The following MICAL2 variants were observed in gnomAD, a reference collection of about 807,000 sequenced individuals.
The protein encoded by MICAL2 is microtubule associated monooxygenase, calponin and LIM domain containing 2, also known as [F-actin]-monooxygenase MICAL2.
In MICAL2, 77 loss-of-function variants were observed where a neutral mutation model predicts 127.3. The ratio of observed to expected loss-of-function variants is 0.60; its 90% confidence interval spans 0.50 to 0.73. The LOEUF is 0.73. Among genes scored for constraint, MICAL2 ranks in the 30% least tolerant of loss-of-function variants. The pLI, the probability that MICAL2 is intolerant of heterozygous loss-of-function variation, is 0.00. For synonymous variants in MICAL2, 570 were observed against 551.1 expected, an observed-to-expected ratio of 1.03 and a Z score of -0.48; for missense variants, 1,351 against 1,434.4, an observed-to-expected ratio of 0.94 and a Z score of 0.94.
intron 29 of MICAL2, among the ~76,000 whole-genome samples, chr11:12,297,781 C>G (rs547721273): frequency 1.3e-5 from 2 of 152,096 alleles, no homozygotes; most frequent in African/African-American, 4.8e-5. Flanking sequence ...CTCTTTCCCT[C>G]TCTTATGTGA....
downstream of MICAL2, chr11:12,287,437 C>A: frequency 3.3e-6 from 1 of 299,604 alleles, no homozygotes; most frequent in Non-Finnish European, 6.1e-6. Context: ...TTCACCCAGA[C>A]AGGGCCTTAG....
chr11:12,262,930 A>G (rs374394792), intron 27 of MICAL2: 26 of 180,460 alleles, frequency 1.4e-4, no homozygotes, highest in African/African-American at 6.1e-4. Context: ...GAGCAGCCTC[A>G]AAAAGCTCAT....
intron 22 of MICAL2, chr11:12,252,835 C>T (rs576170446): frequency 2.0e-5 from 3 of 152,334 alleles, no homozygotes; most frequent in East Asian, 3.9e-4. Context: ...TTCACCCACA[C>T]ACAAGTTACT....
chr11:12,182,086 T>C (rs1302220790), intron 3 of MICAL2, among the ~76,000 whole-genome samples: 1 of 152,236 alleles, frequency 6.6e-6, no homozygotes, highest in Non-Finnish European at 1.5e-5. Context: ...AAGTGAATAA[T>C]TATTGAAATT....
chr11:12,282,655 C>G (rs1863784717), intron 2 of MICAL2, among the ~76,000 whole-genome samples: 1 of 152,102 alleles, frequency 6.6e-6, no homozygotes. Flanking sequence ...TAAAAGGAAA[C>G]ACAGAACATC....
chr11:12,349,982 G>C, intron 33 of MICAL2: 1 of 1,539,220 alleles, frequency 6.5e-7, no homozygotes, highest in Non-Finnish European at 9.0e-7. Flanking sequence ...AAAGCAAAGG[G>C]GCAAAGGGGG....
intron 15 of MICAL2, among the ~76,000 whole-genome samples, chr11:12,231,631 G>A (rs1217887517): frequency 6.6e-6 from 1 of 152,230 alleles, no homozygotes; most frequent in Non-Finnish European, 1.5e-5. Flanking sequence ...TGCGTAGGCA[G>A]CTTACCTTCT....
At chr11:12,312,541 C>T (rs1386815248) in intron 29 of MICAL2, among the ~76,000 whole-genome samples, 1 of 152,114 alleles carries the variant, frequency 6.6e-6, no homozygotes, top group African/African-American at 2.4e-5. Context: ...AAACTTCCCC[C>T]TCACCCTCTG....
At chr11:12,338,002 A>G (rs1938796504) in intron 32 of MICAL2, among the ~76,000 whole-genome samples, 1 of 152,028 alleles carries the variant, frequency 6.6e-6, no homozygotes, top group Non-Finnish European at 1.5e-5. Context: ...CAATTCCTCG[A>G]TATCCTTGTT....
chr11:12,189,110 C>T (rs781709742), intron 3 of MICAL2, among the ~76,000 whole-genome samples: 34 of 152,178 alleles, frequency 2.2e-4, no homozygotes, highest in Middle Eastern at 3.2e-3. Flanking sequence ...TCCTTCTACC[C>T]TCCAGCCTGA....
intron 22 of MICAL2, among the ~76,000 whole-genome samples, chr11:12,251,841 G>C (rs1037001442): frequency 2.0e-5 from 3 of 152,142 alleles, no homozygotes; most frequent in Admixed American, 6.5e-5. Context: ...CCAAGTCACG[G>C]TTGCTCAGAA....
chr11:12,257,149 C>T (rs1287680323), intron 24 of MICAL2, 178 bp downstream of exon 24: 1 of 674,546 alleles, frequency 1.5e-6, no homozygotes, highest in Non-Finnish European at 2.4e-6. Context: ...GGGAGGCTGC[C>T]TGTGGTCCCA....
intron 32 of MICAL2, among the ~76,000 whole-genome samples, chr11:12,348,507 G>A (rs1938992685): frequency 6.6e-6 from 1 of 152,140 alleles, no homozygotes; most frequent in South Asian, 2.1e-4. Flanking sequence ...AATACTGAGA[G>A]ATGACTGTAA....
chr11:12,231,119 C>T (rs534472310), intron 15 of MICAL2, among the ~76,000 whole-genome samples: 1 of 152,196 alleles, frequency 6.6e-6, no homozygotes, highest in South Asian at 2.1e-4. Context: ...AGACATACAC[C>T]CTCAGACTCA....
chr11:12,271,686 A>G (rs1366904552), upstream of MICAL2, among the ~76,000 whole-genome samples: 1 of 152,200 alleles, frequency 6.6e-6, no homozygotes, highest in Non-Finnish European at 1.5e-5. Context: ...TAGTGCCACT[A>G]GTATTACTAC....
At chr11:12,149,100 C>T (rs1853288400) in intron 2 of MICAL2, among the ~76,000 whole-genome samples, 1 of 152,200 alleles carries the variant, frequency 6.6e-6, no homozygotes, top group African/African-American at 2.4e-5. Context: ...CCCTAAAGAC[C>T]ACTGGGCTTT....
intron 25 of MICAL2, among the ~76,000 whole-genome samples, chr11:12,259,191 A>G (rs1862757266): frequency 6.6e-6 from 1 of 152,086 alleles, no homozygotes; most frequent in African/African-American, 2.4e-5. Context: ...ACCTGTAACC[A>G]CTCTACCCTG....
At chr11:12,297,600 G>A (rs1864001389) in intron 29 of MICAL2, among the ~76,000 whole-genome samples, 1 of 151,988 alleles carries the variant, frequency 6.6e-6, no homozygotes, top group Non-Finnish European at 1.5e-5. Flanking sequence ...CTTCTTCCAA[G>A]TTTGTAGAAG....
intron 32 of MICAL2, among the ~76,000 whole-genome samples, chr11:12,331,518 G>A (rs1430435614): frequency 3.3e-5 from 5 of 152,148 alleles, no homozygotes; most frequent in African/African-American, 1.2e-4. Context: ...GCTAGCGAAA[G>A]CCTCTCCAGG....
Sources: gnomAD v4.1 joint callset for allele counts (sites outside exome capture counted in the v4.1 genomes callset) on GRCh38, gnomAD v4.1.1 for gene constraint, MANE v1.5 for transcripts, NCBI Gene and HGNC (gene_info 2026-07-23, HGNC 2026-07-21) for gene names.